MTHFD1L: variants seen among roughly 807,000 people sequenced by gnomAD.
MTHFD1L encodes the protein methylenetetrahydrofolate dehydrogenase (NADP+ dependent) 1 like.
In MTHFD1L, 81 loss-of-function variants were observed where a neutral mutation model predicts 119.5. The ratio of observed to expected loss-of-function variants is 0.68; its 90% CI spans 0.57 to 0.82. The LOEUF is 0.82. MTHFD1L is among the 40% of genes least tolerant of loss of function. The pLI, the probability that MTHFD1L is intolerant of heterozygous loss-of-function variation, is 0.00. For synonymous variants in MTHFD1L, 430 were observed against 475.2 expected, an observed-to-expected ratio of 0.90 and a Z score of 1.24; for missense variants, 1,125 against 1,253.4, an observed-to-expected ratio of 0.90 and a Z score of 1.55.
At position 150,945,479 on chromosome 6, in the gene MTHFD1L, C is replaced by G; in HGVS notation, c.1561C>G (p.Arg521Gly). The change falls in exon 15 of 28, where the codon CGG (arginine) becomes GGG (glycine). Residue 521 changes from arginine to glycine, a missense_variant. This residue lies in a region of MTHFD1L where 1,058 missense variants were observed against 1,151.2 expected (regional missense o/e 0.92). Transcript: ENST00000367321. Reference sequence around the variant, plus strand: ...TTTGTGTTTTTAGGCTCTGTATAATCGGCTGGTTCCTTTAGTGAATGGTGT... The same window carrying G: ...TTTGTGTTTTTAGGCTCTGTATAATGGGCTGGTTCCTTTAGTGAATGGTGT... ...NTQTDKALYN[R>G]LVPLVNGVRE... The G allele has an allele frequency of 6.2e-7, 1 of 1,613,658 alleles. No individual in the cohort carries two copies. The highest frequency in any genetic ancestry group is 8.5e-7 in the Non-Finnish European group (1 of 1,179,880).
At chr6:150,973,969 T>G (rs1776164341) in intron 20 of MTHFD1L, among the ~76,000 whole-genome samples, 1 of 152,256 alleles carries the variant, frequency 6.6e-6, no homozygotes, top group Admixed American at 6.5e-5. Context: ...CTTTGTAAAA[T>G]ATGAACTATG....
chr6:150,877,827 G>T lies in MTHFD1L; in HGVS notation c.417+1G>T. The T allele has an allele frequency of 6.2e-7, 1 of 1,614,238 alleles. No homozygotes were observed. Among genetic ancestry groups the T allele is most frequent in the Non-Finnish European group, 8.5e-7 (1 of 1,180,046 alleles). The stretch of plus-strand genomic sequence containing the variant: ...CCCTCCAGATAGCAGTGAAGCCGAG[G>T]TAATAATGGCAGAGCTCTAAACTCT... On this transcript the variant is annotated splice_donor_variant, in intron 4 of 27. Coordinates refer to ENST00000367321, the MANE Select transcript of MTHFD1L (RefSeq NM_015440.5). LOFTEE classifies it high-confidence loss of function.
intron 20 of MTHFD1L, among the ~76,000 whole-genome samples, chr6:150,989,629 T>C (rs111908506): frequency 6.6e-6 from 1 of 152,186 alleles, no homozygotes; most frequent in African/African-American, 2.4e-5. Flanking sequence ...CATACTGTAA[T>C]AGAGAAAATG....
At chr6:151,026,657 AG>A (rs1784640587) in intron 24 of MTHFD1L, among the ~76,000 whole-genome samples, 1 of 152,088 alleles carries the variant, frequency 6.6e-6, no homozygotes, top group Non-Finnish European at 1.5e-5. Context: ...ACACAAGTGT[AG>A]ACACCAGGCT....
intron 24 of MTHFD1L, 116 bp downstream of exon 24, chr6:151,015,809 CG>C: frequency 7.9e-7 from 1 of 1,265,606 alleles, no homozygotes; most frequent in African/African-American, 1.5e-5. Flanking sequence ...AGTTTAGGCC[CG>C]GTGCAGTGGC....
intron 11 of MTHFD1L, among the ~76,000 whole-genome samples, chr6:150,931,287 T>G (rs1396022499): frequency 1.6e-5 from 2 of 126,628 alleles, no homozygotes; most frequent in Non-Finnish European, 3.4e-5. Flanking sequence ...TTTTTTTTTT[T>G]TTTTCTGCAG....
intron 26 of MTHFD1L, among the ~76,000 whole-genome samples, chr6:151,054,599 T>G (rs952882288): frequency 2.0e-5 from 3 of 152,206 alleles, no homozygotes; most frequent in Non-Finnish European, 1.5e-5. Flanking sequence ...CCAGCAGCAG[T>G]TCAGTACATC....
At position 150,956,072 on chromosome 6, in the gene MTHFD1L, G is replaced by C; in HGVS notation, c.1803+1G>C. 6.2e-7 allele frequency: 1 copy of C among 1,613,566 alleles called. No individual in the cohort carries two copies. The highest frequency in any genetic ancestry group is 1.3e-5 in the African/African-American group (1 of 75,052). Reference sequence around the variant, plus strand: ...CACAGAGAAGGGCCATTACCGGCAGGTAGGTGGTGCTTTCTTCCCGGGTGT... The same window carrying C: ...CACAGAGAAGGGCCATTACCGGCAGCTAGGTGGTGCTTTCTTCCCGGGTGT... On this transcript the variant is annotated splice_donor_variant, in intron 17 of 27. Coordinates refer to ENST00000367321, the MANE Select transcript of MTHFD1L (RefSeq NM_015440.5). LOFTEE classifies it high-confidence loss of function.
chr6:151,045,423 A>G (rs529726902), intron 26 of MTHFD1L, among the ~76,000 whole-genome samples: 1 of 152,016 alleles, frequency 6.6e-6, no homozygotes, highest in East Asian at 1.9e-4. Context: ...CACTTTCCCT[A>G]CTACTTTTCC....
intron 20 of MTHFD1L, among the ~76,000 whole-genome samples, chr6:150,998,995 A>AAAAAAAAAATGTATATATATAT (rs986639098): frequency 2.1e-5 from 3 of 143,582 alleles, no homozygotes; most frequent in African/African-American, 5.2e-5. Flanking sequence ...GTCTTAAAAA[A>AAAAAAAAAATGTATATATATAT]ATATATATAC....
intron 24 of MTHFD1L, among the ~76,000 whole-genome samples, chr6:151,022,787 G>A (rs1229880776): frequency 6.6e-6 from 1 of 152,128 alleles, no homozygotes; most frequent in East Asian, 1.9e-4. Flanking sequence ...TCTGTGGAAA[G>A]CTGGTCCTTA....
At chr6:150,912,825 T>C in intron 8 of MTHFD1L, 1 of 348,942 alleles carries the variant, frequency 2.9e-6, no homozygotes, top group Non-Finnish European at 6.0e-6. Context: ...TCCCAGGATA[T>C]TACCCAGGCC....
At chr6:150,871,581 A>C (rs1779517112) in intron 1 of MTHFD1L, among the ~76,000 whole-genome samples, 1 of 138,340 alleles carries the variant, frequency 7.2e-6, no homozygotes, top group Admixed American at 8.1e-5. Context: ...GGCTCGCTGG[A>C]ACCTCCGCCT....
chr6:150,994,078 A>AAGAAAGAAAGAAAGAAAGAAAG (rs1252305117), intron 20 of MTHFD1L, among the ~76,000 whole-genome samples: 43 of 118,030 alleles, frequency 3.6e-4, no homozygotes, highest in Middle Eastern at 4.1e-3. Context: ...AAAAAAAAAA[A>AAGAAAGAAAGAAAGAAAGAAAG]AAGAAAGAAA....
At chr6:150,982,405 G>A (rs1380963658) in intron 20 of MTHFD1L, among the ~76,000 whole-genome samples, 1 of 152,184 alleles carries the variant, frequency 6.6e-6, no homozygotes, top group African/African-American at 2.4e-5. Context: ...TTAGCCTTCT[G>A]TGCGTGCATG....
rs1795377273 is a variant in MTHFD1L at position 151,101,681 on chromosome 6, T to C, written c.*187T>C. 1 of 152,648 alleles carries C rather than the reference T, an allele frequency of 6.6e-6. No individual in the cohort carries two copies. The highest frequency in any genetic ancestry group is 2.1e-4 in the South Asian group (1 of 4,832). 9.5% of individuals were successfully genotyped at this position (152,648 alleles called of 1,614,324 possible). A position where few individuals can be genotyped will look rare whatever the true frequency, so the allele number is the denominator to read the frequency against. ...TTCTGTTCACAGTGGAGTATGGTGT[T>C]CGGCAAAAGGACCTCCACCAAGACT... On this transcript the variant is annotated 3_prime_UTR_variant, in exon 28 of 28. Transcript: ENST00000367321.
At chr6:150,946,135 G>A (rs775037636) in intron 15 of MTHFD1L, among the ~76,000 whole-genome samples, 2 of 152,088 alleles carry the variant, frequency 1.3e-5, no homozygotes, top group African/African-American at 2.4e-5. Context: ...TATCTCATTT[G>A]TGGTTTTCTG....
chr6:150,912,095 G>A (rs1360852402), intron 8 of MTHFD1L, among the ~76,000 whole-genome samples: 5 of 151,916 alleles, frequency 3.3e-5, no homozygotes, highest in Admixed American at 2.0e-4. Flanking sequence ...ATGGGATGGC[G>A]CTAAGCCTTT....
rs760762754 is a variant in MTHFD1L, at chr6:150,945,533, C to A, written c.1615C>A (p.Arg539=). 6.2e-7 allele frequency: 1 copy of A among 1,613,758 alleles called. No homozygotes were observed. The highest frequency in any genetic ancestry group is 2.2e-5 in the East Asian group (1 of 44,860). ...AGAATTTTCAGAAATTCAGCTTGCT[C>A]GGCTAAAAGTAAGTTTCCAGTTAGC... The part of the protein sequence containing the change: ...VREFSEIQLA[R]LKKLGINKTD... The change falls in exon 15 of 28, where the codon CGG becomes AGG. Residue 539 remains arginine (R), a synonymous_variant. Transcript: ENST00000367321.
Sources: gnomAD v4.1 joint callset for allele counts (sites outside exome capture counted in the v4.1 genomes callset) on GRCh38, gnomAD v4.1.1 for gene constraint, gnomAD v4.1.1 regional missense constraint, MANE v1.5 for transcripts, NCBI Gene and HGNC (gene_info 2026-07-23, HGNC 2026-07-21) for gene names.